The following HMGXB4 variants were observed in gnomAD, a reference collection of about 807,000 sequenced individuals.
HMGXB4 encodes HMG-box containing 4, also known as HMG domain-containing protein 4.
HMGXB4 carries 27 observed loss-of-function variants against 63.9 expected under a neutral mutation model. That is an observed-to-expected ratio of 0.42 (90% CI 0.31 to 0.58). The LOEUF is 0.58. HMGXB4 is among the 20% of genes least tolerant of loss of function. The pLI is 0.13. For synonymous variants in HMGXB4, 264 were observed against 265.3 expected (o/e 0.99, Z 0.05); for missense variants, 624 against 700.7 (o/e 0.89, Z 1.24).
At chr22:35,245,221 G>A in the HMGXB4 span, among the ~76,000 whole-genome samples, 28 of 151,792 alleles carry the variant, frequency 1.8e-4, no homozygotes, top group African/African-American at 4.8e-4. Flanking sequence ...TTGTCCCTCC[G>A]CCTCCTCTGC....
At chr22:35,273,000 T>C (rs2146417202) in intron 5 of HMGXB4, among the ~76,000 whole-genome samples, 1 of 152,304 alleles carries the variant, frequency 6.6e-6, no homozygotes, top group East Asian at 1.9e-4. Flanking sequence ...ATCTGTGTGT[T>C]TCCAAAATAT....
intron 5 of HMGXB4, among the ~76,000 whole-genome samples, chr22:35,278,959 A>G (rs1359096043): frequency 1.3e-5 from 2 of 151,876 alleles, no homozygotes; most frequent in African/African-American, 2.4e-5. Flanking sequence ...AAGCCAGGGA[A>G]ACAGTTGAAT....
the HMGXB4 span, among the ~76,000 whole-genome samples, chr22:35,246,367 CG>C: frequency 1.3e-5 from 2 of 152,132 alleles, no homozygotes; most frequent in Non-Finnish European, 2.9e-5. Flanking sequence ...CTCCGCCTCC[CG>C]GGTTCACACC....
In HMGXB4 at chr22:35,264,662, G is replaced by A; in HGVS notation, c.274G>A (p.Glu92Lys). The part of the protein sequence containing the change: ...DYYYGDISSL[E>K]SSQKKKKKSS... ...ATTATTTCTAGATATTTCGTCTTTG[G>A]AATCGTCACAGAAGAAAAAGAAAAA... Residue 92 changes from glutamate (E) to lysine (K), a missense_variant, in exon 5 of 11, where the codon GAA (glutamate) becomes AAA (lysine). This residue lies in a region of HMGXB4 where 472 missense variants were observed against 470.6 expected (regional missense o/e 1.00). Transcript: ENST00000216106. The A allele has an allele frequency of 6.4e-7, 1 of 1,566,998 alleles. No homozygotes were observed. Among genetic ancestry groups the A allele is most frequent in the Non-Finnish European group, 8.6e-7 (1 of 1,159,634 alleles).
At chr22:35,241,939 C>T in the HMGXB4 span, among the ~76,000 whole-genome samples, 8 of 152,284 alleles carry the variant, frequency 5.3e-5, no homozygotes, top group South Asian at 2.1e-4. Context: ...GCCTCCCATC[C>T]GCCATGATCC....
chr22:35,284,118 C>A, intron 6 of HMGXB4, 75 bp downstream of exon 6: 1 of 1,016,298 alleles, frequency 9.8e-7, no homozygotes, highest in Non-Finnish European at 1.6e-6. Context: ...TTTCTTCTTC[C>A]TGTAGCATTA....
intron 5 of HMGXB4, among the ~76,000 whole-genome samples, chr22:35,273,046 G>A (rs1203167204): frequency 6.6e-6 from 1 of 152,186 alleles, no homozygotes; most frequent in Non-Finnish European, 1.5e-5. Flanking sequence ...GGGCCAGGTA[G>A]CCTAATGCCT....
chr22:35,258,825 T>C (rs1455187917), intron 1 of HMGXB4, among the ~76,000 whole-genome samples: 1 of 152,244 alleles, frequency 6.6e-6, no homozygotes, highest in Non-Finnish European at 1.5e-5. Flanking sequence ...TGCAGAATCT[T>C]GGACATGGCT....
chr22:35,267,824 C>T (rs780927425), intron 5 of HMGXB4, among the ~76,000 whole-genome samples: 4 of 152,202 alleles, frequency 2.6e-5, no homozygotes, highest in Non-Finnish European at 5.9e-5. Flanking sequence ...CCTGCCCATC[C>T]TTTCATCCAC....
the HMGXB4 span, among the ~76,000 whole-genome samples, chr22:35,246,555 G>A: frequency 6.6e-6 from 1 of 152,198 alleles, no homozygotes; most frequent in Admixed American, 6.5e-5. Context: ...TTACAGGCGT[G>A]AGCCACCGCT....
Position 35,264,649 on chromosome 22 carries a change from T to TA in HMGXB4, c.262dup (p.Ile88AsnfsTer20), listed in dbSNP as rs1392368681. 6.4e-7 allele frequency: 1 copy of TA among 1,559,702 alleles called. No homozygotes were observed. ...AGTACTTCTCTTGATTATTTCTAGA[T>TA]ATTTCGTCTTTGGAATCGTCACAGA... On this transcript the variant is annotated frameshift_variant and splice_region_variant, in exon 5 of 11. Transcript: ENST00000216106. LOFTEE classifies it high-confidence loss of function.
chr22:35,279,519 G>C (rs1924118937), intron 5 of HMGXB4, among the ~76,000 whole-genome samples: 1 of 151,904 alleles, frequency 6.6e-6, no homozygotes, highest in Non-Finnish European at 1.5e-5. Flanking sequence ...TTCTTCCATG[G>C]ATTATGTCTT....
intron 1 of HMGXB4, chr22:35,258,028 G>A (rs1182782935): frequency 6.6e-6 from 1 of 152,366 alleles, no homozygotes; most frequent in Non-Finnish European, 1.5e-5. Flanking sequence ...GGGAGGGCTG[G>A]GGCTGCGGCT....
At chr22:35,242,106 G>A in the HMGXB4 span, among the ~76,000 whole-genome samples, 126 of 152,162 alleles carry the variant, frequency 8.3e-4, no homozygotes, top group Middle Eastern at 3.4e-3. Context: ...CTGTTTTCTG[G>A]AAGATATTTT....
intron 5 of HMGXB4, among the ~76,000 whole-genome samples, chr22:35,279,819 G>A (rs762955434): frequency 6.6e-6 from 1 of 150,748 alleles, no homozygotes; most frequent in African/African-American, 2.4e-5. Context: ...ATTTGTTTCT[G>A]GGCCCTCTGT....
Position 35,293,866 on chromosome 22 carries a change from G to T in HMGXB4, c.*215G>T. The stretch of plus-strand genomic sequence containing the variant: ...TATGAAATGGCAAAGGTTTAGCCAA[G>T]AGGAAATTTTGGCATGAATACAGGC... On this transcript the variant is annotated 3_prime_UTR_variant, in exon 11 of 11. Transcript: ENST00000216106. 1 of 313,770 alleles carries T rather than the reference G, an allele frequency of 3.2e-6. No homozygotes were observed. Among genetic ancestry groups the T allele is most frequent in the Admixed American group, 4.8e-5 (1 of 20,902 alleles). 19.4% of individuals were successfully genotyped at this position (313,770 alleles called of 1,614,324 possible).
intron 9 of HMGXB4, among the ~76,000 whole-genome samples, chr22:35,291,699 G>A (rs1924943690): frequency 2.0e-5 from 3 of 152,256 alleles, no homozygotes; most frequent in Middle Eastern, 3.4e-3. Flanking sequence ...TGCTTAATAT[G>A]AATTATATCA....
chr22:35,265,743 G>T, intron 5 of HMGXB4, 140 bp downstream of exon 5: 4 of 1,177,636 alleles, frequency 3.4e-6, no homozygotes, highest in South Asian at 1.7e-5. Flanking sequence ...ATGATATAAA[G>T]TATAAAATAT....
the HMGXB4 span, among the ~76,000 whole-genome samples, chr22:35,241,594 C>T: frequency 6.6e-6 from 1 of 152,360 alleles, no homozygotes; most frequent in Non-Finnish European, 1.5e-5. Flanking sequence ...GCTCCCAGGG[C>T]CTCCCTGCTG....
Sources: gnomAD v4.1 joint callset for allele counts (sites outside exome capture counted in the v4.1 genomes callset) on GRCh38, gnomAD v4.1.1 for gene constraint, gnomAD v4.1.1 regional missense constraint, MANE v1.5 for transcripts, NCBI Gene and HGNC (gene_info 2026-07-23, HGNC 2026-07-21) for gene names.